The following KCNQ3 variants were observed in gnomAD, a reference collection of about 807,000 sequenced individuals.
KCNQ3 encodes the protein potassium voltage-gated channel subfamily KQT member 3.
Under a neutral mutation model 92.5 loss-of-function variants are expected in KCNQ3, and 30 were observed. That is an observed-to-expected ratio of 0.32 (90% confidence interval 0.24 to 0.44). KCNQ3 has a LOEUF of 0.44. KCNQ3 is among the 20% of genes least tolerant of loss of function. KCNQ3 has a pLI of 1.00. For missense variants in KCNQ3, 913 were observed against 1,140.3 expected, an observed-to-expected ratio of 0.80 and a Z score of 2.87; for synonymous variants, 450 against 468.8, an observed-to-expected ratio of 0.96 and a Z score of 0.52.
intron 1 of KCNQ3, among the ~76,000 whole-genome samples, chr8:132,383,854 C>G (rs1305284041): frequency 6.6e-6 from 1 of 152,196 alleles, no homozygotes; most frequent in African/African-American, 2.4e-5. Flanking sequence ...CTACAACATC[C>G]TGGCTGTGTA....
chr8:132,320,821 T>G (rs1303054892), intron 1 of KCNQ3, among the ~76,000 whole-genome samples: 1 of 152,212 alleles, frequency 6.6e-6, no homozygotes, highest in Non-Finnish European at 1.5e-5. Flanking sequence ...TGCCTGATCA[T>G]GTTTGCCACT....
chr8:132,447,210 T>C (rs1337462477), intron 1 of KCNQ3: 2 of 1,535,466 alleles, frequency 1.3e-6, no homozygotes, highest in Non-Finnish European at 1.7e-6. Flanking sequence ...CATCGTGGCG[T>C]GTTCTGCAGG....
chr8:132,248,339 T>C (rs1365060480), intron 1 of KCNQ3, among the ~76,000 whole-genome samples: 2 of 146,190 alleles, frequency 1.4e-5, no homozygotes, highest in Non-Finnish European at 3.0e-5. Context: ...TATAAGTATA[T>C]ATATATATAT....
At chr8:132,453,845 G>C (rs1045820078) in intron 1 of KCNQ3, among the ~76,000 whole-genome samples, 1 of 152,216 alleles carries the variant, frequency 6.6e-6, no homozygotes. Context: ...TCCCCAGGCT[G>C]CCAAGCAAGC....
intron 1 of KCNQ3, among the ~76,000 whole-genome samples, chr8:132,194,639 C>G (rs548783484): frequency 6.6e-6 from 1 of 152,318 alleles, no homozygotes; most frequent in African/African-American, 2.4e-5. Flanking sequence ...AAAGACCAAC[C>G]ATTTGCCATT....
intron 1 of KCNQ3, among the ~76,000 whole-genome samples, chr8:132,305,553 G>A (rs1252682908): frequency 2.6e-5 from 4 of 152,070 alleles, no homozygotes; most frequent in African/African-American, 9.7e-5. Flanking sequence ...GTTCCCTGGT[G>A]GTGGTTGCTT....
rs575535051 is a variant in KCNQ3, at chr8:132,157,980, G to A, written c.1262+5488C>T. Among the ~76,000 whole-genome samples the A allele has an allele frequency of 2.0e-5, 3 of 152,140 alleles. No individual in the cohort carries two copies. In the East Asian group the frequency reaches 5.8e-4, roughly 29 times the overall value. On this transcript the variant is annotated intron_variant, in intron 9 of 14. Transcript: ENST00000388996. ...GACTTCTAGGTATATTTCTTAATTG[G>A]TTCATAATTCAGAGGGGAATTACAT...
intron 1 of KCNQ3, among the ~76,000 whole-genome samples, chr8:132,462,608 C>T (rs1433380155): frequency 2.0e-5 from 3 of 152,100 alleles, no homozygotes; most frequent in Non-Finnish European, 4.4e-5. Context: ...AACTTTTGAC[C>T]GCATCACAGC....
intron 1 of KCNQ3, among the ~76,000 whole-genome samples, chr8:132,449,150 G>A (rs1486681877): frequency 6.6e-6 from 1 of 152,214 alleles, no homozygotes; most frequent in Non-Finnish European, 1.5e-5. Context: ...AGAGCCCCAT[G>A]TGTACCTCCT....
chr8:132,277,387 GCC>G (rs1816368039), intron 1 of KCNQ3, among the ~76,000 whole-genome samples: 2 of 152,110 alleles, frequency 1.3e-5, no homozygotes, highest in Admixed American at 1.3e-4. Context: ...TGTTTGCTCA[GCC>G]CTGGAATAGG....
At chr8:132,387,535 A>G (rs1401789226) in intron 1 of KCNQ3, among the ~76,000 whole-genome samples, 1 of 152,206 alleles carries the variant, frequency 6.6e-6, no homozygotes, top group African/African-American at 2.4e-5. Context: ...CACAAAATAG[A>G]AGACTGATAG....
chr8:132,370,127 G>A (rs1339797297), intron 1 of KCNQ3, among the ~76,000 whole-genome samples: 1 of 152,168 alleles, frequency 6.6e-6, no homozygotes, highest in East Asian at 1.9e-4. Flanking sequence ...GGTTTCCAAC[G>A]GCTGTTACCT....
chr8:132,320,123 AC>A (rs1418253371), intron 1 of KCNQ3, among the ~76,000 whole-genome samples: 1 of 152,260 alleles, frequency 6.6e-6, no homozygotes, highest in Non-Finnish European at 1.5e-5. Context: ...TCTTTGGGAA[AC>A]TGGTATGTGG....
Position 132,470,080 on chromosome 8 carries a change from C to G in KCNQ3, c.386+10067G>C, listed in dbSNP as rs191223456. ...ACTCTTTAAATTTAGTCATTTCCAG[C>G]CTCTCTCTCCATACAGAAAGAACTA... On this transcript the variant is annotated intron_variant, in intron 1 of 14. Transcript: ENST00000388996. Among the ~76,000 whole-genome samples the G allele has an allele frequency of 7.4e-3, 886 of 119,864 alleles. 5 individuals carry two copies. Among genetic ancestry groups the G allele is most frequent in the Admixed American group, 9.2e-3 (98 of 10,674 alleles). 78.6% of individuals were successfully genotyped at this position (119,864 alleles called of 152,430 possible). A position where few individuals can be genotyped will look rare whatever the true frequency, so the allele number is the denominator to read the frequency against.
chr8:132,304,954 G>A (rs1474532451), intron 1 of KCNQ3, among the ~76,000 whole-genome samples: 1 of 152,158 alleles, frequency 6.6e-6, no homozygotes, highest in African/African-American at 2.4e-5. Context: ...CTGAAGGAAA[G>A]GAGGAAGGAA....
At chr8:132,305,759 G>A (rs1176865004) in intron 1 of KCNQ3, among the ~76,000 whole-genome samples, 2 of 152,044 alleles carry the variant, frequency 1.3e-5, no homozygotes, top group African/African-American at 2.4e-5. Flanking sequence ...CAACTTGGGG[G>A]CAGTAATAGA....
intron 1 of KCNQ3, among the ~76,000 whole-genome samples, chr8:132,455,702 C>T (rs1821922844): frequency 1.3e-5 from 2 of 152,208 alleles, no homozygotes; most frequent in South Asian, 4.1e-4. Flanking sequence ...CACTAACTAA[C>T]TCATGTAATC....
At chr8:132,182,476 CT>C (rs1826817839) in intron 3 of KCNQ3, among the ~76,000 whole-genome samples, 1 of 152,246 alleles carries the variant, frequency 6.6e-6, no homozygotes, top group Non-Finnish European at 1.5e-5. Context: ...CCGTGTGATG[CT>C]GAGGCCCAGC....
intron 1 of KCNQ3, 24 bp downstream of exon 1, chr8:132,480,123 C>T: frequency 6.2e-7 from 1 of 1,605,388 alleles, no homozygotes; most frequent in Non-Finnish European, 8.5e-7. Flanking sequence ...CCGCCGAGGG[C>T]GCCCCGAGCG....
Sources: gnomAD v4.1 joint callset for allele counts (sites outside exome capture counted in the v4.1 genomes callset) on GRCh38, gnomAD v4.1.1 for gene constraint, MANE v1.5 for transcripts, NCBI Gene and HGNC (gene_info 2026-07-23, HGNC 2026-07-21) for gene names.